TRMT6: variants seen among roughly 807,000 people sequenced by gnomAD.
TRMT6 encodes the protein tRNA methyltransferase 6 non-catalytic subunit.
Under a neutral mutation model 59.0 loss-of-function variants are expected in TRMT6, and 34 were observed. The observed-to-expected ratio is 0.58, with a 90% CI of 0.44 to 0.77. The LOEUF (loss-of-function observed/expected upper bound fraction) is 0.77, where lower values mean the gene tolerates loss of function less well. Among genes scored for constraint, TRMT6 ranks in the 30% least tolerant of loss-of-function variants. The pLI is 0.00. For synonymous variants in TRMT6, 217 were observed against 210.5 expected (o/e 1.03, Z -0.27); for missense variants, 575 against 604.5 (o/e 0.95, Z 0.51).
chr20:5,949,304 T>C (rs1000402164), intron 1 of TRMT6, among the ~76,000 whole-genome samples: 1 of 151,890 alleles, frequency 6.6e-6, no homozygotes, highest in Non-Finnish European at 1.5e-5. Context: ...GAGGCTGCAA[T>C]GAGCCGAGAT....
chr20:5,943,319 C>G (rs151086676), intron 6 of TRMT6, among the ~76,000 whole-genome samples: 62 of 152,296 alleles, frequency 4.1e-4, no homozygotes, highest in Non-Finnish European at 8.4e-4. Context: ...CAGCATCATG[C>G]CCACTGACAG....
chr20:5,942,322 C>A (rs547527102), intron 7 of TRMT6, 106 bp downstream of exon 7: 1 of 992,852 alleles, frequency 1.0e-6, no homozygotes, highest in Non-Finnish European at 1.6e-6. Context: ...TGATAGTTAT[C>A]ATCTTGGGAG....
rs778921663 is a variant in TRMT6, at chr20:5,938,491, T to G, written c.*44A>C. 1 of 1,555,518 alleles carries G rather than the reference T, an allele frequency of 6.4e-7. No homozygotes were observed. The highest frequency in any genetic ancestry group is 8.7e-7 in the Non-Finnish European group (1 of 1,144,580). On this transcript the variant is annotated 3_prime_UTR_variant, in exon 11 of 11. Transcript: ENST00000203001. ...TGGCATTTAAAGTTTAATTACTAAC[T>G]GTATAATGCCTGAGAACAAAATTCA...
chr20:5,941,455 G>C, intron 8 of TRMT6, 110 bp from the exon 9 acceptor site: 1 of 767,952 alleles, frequency 1.3e-6, no homozygotes, highest in Non-Finnish European at 2.2e-6. Flanking sequence ...CTCACAAAGA[G>C]AAGAGATTTA....
Position 5,946,408 on chromosome 20 carries a change from G to A in TRMT6, c.254C>T (p.Ala85Val). 5 of 1,614,086 alleles carry A rather than the reference G, an allele frequency of 3.1e-6. No homozygotes were observed. Among genetic ancestry groups the A allele is most frequent in the Non-Finnish European group, 4.2e-6 (5 of 1,180,020 alleles). ...QPKKKREEPT[A>V]ETKEAGTDNR... ...TTTCACGCATCCAAAATGTGCACCTGCAGTAGGCTCTTCCCTCTTCTTCTT... is the reference window on the plus strand; with the variant it reads ...TTTCACGCATCCAAAATGTGCACCTACAGTAGGCTCTTCCCTCTTCTTCTT... Residue 85 changes from alanine (A) to valine (V), a missense_variant and splice_region_variant, in exon 2 of 11, where the codon GCA becomes GTA. Transcript: ENST00000203001.
rs145365546 is a variant in TRMT6, at chr20:5,940,457, T to C, written c.1302+596A>G. ...TGAGGCCTTGGGGAAATAAGAACCA[T>C]AATGGTTTGCATTTTAAATGCCTTT... is the stretch of plus-strand genomic sequence containing the variant. On this transcript the variant is annotated intron_variant, in intron 10 of 10. Transcript: ENST00000203001. Among the ~76,000 whole-genome samples the C allele has an allele frequency of 4.2e-3, 634 of 152,244 alleles. 3 individuals carry two copies. Among genetic ancestry groups the C allele is most frequent in the African/African-American group, 0.014 (600 of 41,534 alleles).
At chr20:5,938,855 C>A in intron 10 of TRMT6, 129 bp from the exon 11 acceptor site, 1 of 804,214 alleles carries the variant, frequency 1.2e-6, no homozygotes. Flanking sequence ...ATTTTTTTTT[C>A]TTTCTTTTCT....
In TRMT6 at chr20:5,940,075, T is replaced by C. The variant is rs141503083; in HGVS notation, c.1302+978A>G. 3.4e-3 allele frequency among the ~76,000 whole-genome samples: 512 copies of C among 152,328 alleles called. 6 individuals are homozygous for C. The highest frequency in any genetic ancestry group is 0.012 in the African/African-American group (486 of 41,552). On this transcript the variant is annotated intron_variant, in intron 10 of 10. Coordinates refer to ENST00000203001, the MANE Select transcript of TRMT6 (RefSeq NM_015939.5). Reference sequence around the variant, plus strand: ...GCATTTCTGCTTAACACAGGGCTCCTTGAATGGCGATCTTTCCACTTGGGC... The same window carrying C: ...GCATTTCTGCTTAACACAGGGCTCCCTGAATGGCGATCTTTCCACTTGGGC...
chr20:5,943,490 T>C (rs2088677140), intron 6 of TRMT6, 69 bp downstream of exon 6: 2 of 1,588,664 alleles, frequency 1.3e-6, no homozygotes, highest in Admixed American at 3.6e-5. Context: ...TCCATGAGTT[T>C]ACATTTTTGG....
At chr20:5,946,682 G>A in intron 1 of TRMT6, 149 bp from the exon 2 acceptor site, 4 of 724,450 alleles carry the variant, frequency 5.5e-6, no homozygotes, top group East Asian at 2.7e-5. Context: ...GAACTAGAGA[G>A]AACCTGGTTG....
rs1311750434 is a variant in TRMT6, at chr20:5,944,788, A to G, written c.366+17T>C. ...CCAAACAGACAAAAACAAAACTAAA[A>G]ATCCTTTGAATATTACCTCTCCTTT... On this transcript the variant is annotated intron_variant, in intron 3 of 10. Coordinates refer to ENST00000203001, the MANE Select transcript of TRMT6 (RefSeq NM_015939.5). 3 of 1,595,846 alleles carry G rather than the reference A, an allele frequency of 1.9e-6. No homozygotes were observed. The African/African-American group carries it at 4.0e-5, about 22-fold the overall frequency.
rs1000696039 is a variant in TRMT6, at chr20:5,938,532, G to A, written c.*3C>T. On this transcript the variant is annotated 3_prime_UTR_variant, in exon 11 of 11. Coordinates refer to ENST00000203001, the MANE Select transcript of TRMT6 (RefSeq NM_015939.5). ...ACAAAATTCAGAGCAATTCTCAAAA[G>A]GGTTAAGAGTCAGACTCTGGGCATT... is the stretch of plus-strand genomic sequence containing the variant. 1.9e-6 allele frequency: 3 copies of A among 1,610,088 alleles called. No individual in the cohort carries two copies. Among genetic ancestry groups the A allele is most frequent in the Non-Finnish European group, 2.5e-6 (3 of 1,177,934 alleles).
At chr20:5,948,739 G>GT (rs2088731602) in intron 1 of TRMT6, among the ~76,000 whole-genome samples, 2 of 152,142 alleles carry the variant, frequency 1.3e-5, no homozygotes, top group South Asian at 4.1e-4. Flanking sequence ...TTAAAGGTTG[G>GT]TGCAGGTATT....
At position 5,944,157 on chromosome 20, in the gene TRMT6, C is replaced by T; in HGVS notation, c.458+5G>A. On this transcript the variant is annotated splice_donor_5th_base_variant and intron_variant, in intron 4 of 10. Transcript: ENST00000203001. The stretch of plus-strand genomic sequence containing the variant: ...TGTGGGCCTTTTAAAATAAAAACTA[C>T]TTACTTTTTTTTCTTCTTTTTAATA... 1 of 1,465,234 alleles carries T rather than the reference C, an allele frequency of 6.8e-7. No individual in the cohort carries two copies. Among genetic ancestry groups the T allele is most frequent in the Non-Finnish European group, 9.2e-7 (1 of 1,085,626 alleles). The allele number at this position is 1,465,234 out of a possible 1,614,324, so 90.8% of individuals were successfully genotyped here. A position where few individuals can be genotyped will look rare whatever the true frequency, so the allele number is the denominator to read the frequency against.
chr20:5,949,252 TAGGGAGGCTG>T (rs1208695303), intron 1 of TRMT6, among the ~76,000 whole-genome samples: 2 of 149,390 alleles, frequency 1.3e-5, no homozygotes, highest in Non-Finnish European at 3.0e-5. Flanking sequence ...TCCCAGCCAC[TAGGGAGGCTG>T]AGGCAGGAGA....
At chr20:5,944,281 C>T (rs2088686218) in intron 3 of TRMT6, 28 bp from the exon 4 acceptor site, 2 of 1,370,476 alleles carry the variant, frequency 1.5e-6, no homozygotes, top group African/African-American at 3.0e-5. Context: ...AGTAGATTTT[C>T]TGAAACTTTA....
At chr20:5,941,014 G>C (rs763918896) in intron 10 of TRMT6, 39 bp downstream of exon 10, 10 of 1,498,632 alleles carry the variant, frequency 6.7e-6, no homozygotes, top group Non-Finnish European at 9.3e-6. Context: ...GTCAAGTCTC[G>C]GGAGGGCAGC....
chr20:5,941,381 A>G, intron 8 of TRMT6, 36 bp from the exon 9 acceptor site: 4 of 1,489,336 alleles, frequency 2.7e-6, no homozygotes, highest in Non-Finnish European at 3.7e-6. Context: ...ATTTCTCTAC[A>G]CCCTCAAAGT....
intron 1 of TRMT6, among the ~76,000 whole-genome samples, chr20:5,949,706 G>A (rs539530724): frequency 6.6e-6 from 1 of 152,308 alleles, no homozygotes; most frequent in East Asian, 1.9e-4. Flanking sequence ...TAGAGAAGAG[G>A]ATAGAAAGCC....
Sources: gnomAD v4.1 joint callset for allele counts (sites outside exome capture counted in the v4.1 genomes callset) on GRCh38, gnomAD v4.1.1 for gene constraint, MANE v1.5 for transcripts, NCBI Gene and HGNC (gene_info 2026-07-23, HGNC 2026-07-21) for gene names.